The following PTPRD variants were observed in gnomAD, a reference collection of about 807,000 sequenced individuals.
PTPRD encodes receptor-type tyrosine-protein phosphatase delta.
In PTPRD, 34 loss-of-function variants were observed where a neutral mutation model predicts 214.5. The ratio of observed to expected loss-of-function variants is 0.16; its 90% CI spans 0.12 to 0.21. PTPRD has a LOEUF of 0.21. Among genes scored for constraint, PTPRD ranks in the 10% least tolerant of loss-of-function variants. The pLI is 1.00. For missense variants in PTPRD, 2,545 were observed against 2,398.7 expected, an observed-to-expected ratio of 1.06 and a Z score of -1.27; for synonymous variants, 1,128 against 845.7, an observed-to-expected ratio of 1.33 and a Z score of -5.79.
At chr9:10,495,292 T>A (rs1231857933) in intron 2 of PTPRD, among the ~76,000 whole-genome samples, 9 of 151,708 alleles carry the variant, frequency 5.9e-5, no homozygotes, top group African/African-American at 2.2e-4. Flanking sequence ...CAAAGTCAAG[T>A]CAGAAATCAC....
At chr9:10,013,410 G>A (rs1347788180) in intron 4 of PTPRD, among the ~76,000 whole-genome samples, 1 of 151,740 alleles carries the variant, frequency 6.6e-6, no homozygotes, top group Non-Finnish European at 1.5e-5. Flanking sequence ...TATGTTATTT[G>A]CATATTTTTT....
intron 3 of PTPRD, among the ~76,000 whole-genome samples, chr9:10,182,793 T>C (rs1158704595): frequency 6.6e-6 from 1 of 152,176 alleles, no homozygotes; most frequent in Non-Finnish European, 1.5e-5. Context: ...GCAATCATCC[T>C]AGAAATAATC....
chr9:9,392,552 G>C (rs1316855425), intron 9 of PTPRD, among the ~76,000 whole-genome samples: 2 of 152,244 alleles, frequency 1.3e-5, no homozygotes, highest in Admixed American at 6.5e-5. Flanking sequence ...GTTAGGTCAA[G>C]AGTAGAATTC....
At chr9:9,940,842 T>C (rs889386832) in intron 4 of PTPRD, among the ~76,000 whole-genome samples, 4 of 152,158 alleles carry the variant, frequency 2.6e-5, no homozygotes, top group East Asian at 1.9e-4. Flanking sequence ...AGAAAACTCT[T>C]GCTCATATTT....
chr9:10,082,282 C>G (rs72694827), intron 3 of PTPRD, among the ~76,000 whole-genome samples: 6 of 152,214 alleles, frequency 3.9e-5, no homozygotes, highest in African/African-American at 1.4e-4. Flanking sequence ...TCTCTCATCA[C>G]CTTTTTCACA....
chr9:8,761,399 A>G (rs1407139559), intron 11 of PTPRD, among the ~76,000 whole-genome samples: 2 of 152,236 alleles, frequency 1.3e-5, no homozygotes, highest in East Asian at 1.9e-4. Flanking sequence ...TTTCACAATT[A>G]TAACATTTCT....
intron 2 of PTPRD, among the ~76,000 whole-genome samples, chr9:10,503,213 A>AAAAAAAAAAAAAAAC (rs1555437452): frequency 6.7e-6 from 1 of 149,480 alleles, no homozygotes; most frequent in African/African-American, 2.5e-5. Context: ...AAAAACAAAA[A>AAAAAAAAAAAAAAAC]AAAACACCAT....
At chr9:9,897,310 A>G (rs115629475) in intron 5 of PTPRD, among the ~76,000 whole-genome samples, 2,143 of 152,192 alleles carry the variant, frequency 0.014, 57 homozygotes, top group African/African-American at 0.048. Flanking sequence ...TGAAATCTAT[A>G]TACTTTAAAC....
intron 9 of PTPRD, among the ~76,000 whole-genome samples, chr9:9,388,249 G>A (rs374376188): frequency 6.6e-6 from 1 of 152,088 alleles, no homozygotes; most frequent in East Asian, 1.9e-4. Flanking sequence ...CAGGATGGGG[G>A]TTGTGGCAGG....
chr9:9,520,776 A>G (rs1047130754), intron 8 of PTPRD, among the ~76,000 whole-genome samples: 1 of 152,226 alleles, frequency 6.6e-6, no homozygotes, highest in African/African-American at 2.4e-5. Flanking sequence ...AGCATGGGTT[A>G]CAGAACTGTG....
At chr9:10,017,889 C>T (rs1250880287) in intron 4 of PTPRD, among the ~76,000 whole-genome samples, 1 of 152,018 alleles carries the variant, frequency 6.6e-6, no homozygotes, top group African/African-American at 2.4e-5. Context: ...AGATTAAAAA[C>T]ATTTGAATAC....
intron 34 of PTPRD, among the ~76,000 whole-genome samples, chr9:8,442,721 TA>T (rs1270681313): frequency 4.6e-5 from 7 of 152,176 alleles, no homozygotes; most frequent in African/African-American, 1.7e-4. Flanking sequence ...CAAATACAAA[TA>T]CTCTGCTATA....
intron 8 of PTPRD, among the ~76,000 whole-genome samples, chr9:9,566,086 C>CG (rs146731873): frequency 0.021 from 3,159 of 152,010 alleles, 44 homozygotes; most frequent in Admixed American, 0.027. Flanking sequence ...TATTCCTGCA[C>CG]ATTTTTTCTT....
chr9:10,488,857 G>T (rs1177813288), intron 2 of PTPRD, among the ~76,000 whole-genome samples: 1 of 152,080 alleles, frequency 6.6e-6, no homozygotes, highest in East Asian at 1.9e-4. Context: ...CAGGGCAGTG[G>T]GCTCCCCTCT....
intron 9 of PTPRD, among the ~76,000 whole-genome samples, chr9:9,242,003 T>C (rs2099970602): frequency 6.6e-6 from 1 of 152,106 alleles, no homozygotes; most frequent in Non-Finnish European, 1.5e-5. Flanking sequence ...TTTCCATGTT[T>C]AGTGCTTCCT....
chr9:10,096,325 C>T (rs2098484037), intron 3 of PTPRD, among the ~76,000 whole-genome samples: 1 of 151,666 alleles, frequency 6.6e-6, no homozygotes, highest in Admixed American at 6.6e-5. Flanking sequence ...ATTCTCTATA[C>T]ATCACCCCTT....
rs575224646 is a variant in PTPRD, at chr9:10,489,869, G to A, written c.-600+122529C>T. ...CTCCATGCATAAAGCTGCAGCTGCT[G>A]GGGAATGGGGGAGGGATAGCATTGG... On this transcript the variant is annotated intron_variant, in intron 2 of 45. Transcript: ENST00000381196. 5.5e-4 allele frequency among the ~76,000 whole-genome samples: 84 copies of A among 152,282 alleles called. 2 individuals are homozygous for A. In the South Asian group the frequency reaches 0.016, roughly 28 times the overall value.
intron 2 of PTPRD, among the ~76,000 whole-genome samples, chr9:10,513,799 T>C (rs143739544): frequency 1.6e-3 from 241 of 152,238 alleles, no homozygotes; most frequent in African/African-American, 5.4e-3. Context: ...AAAGAAATTT[T>C]TAAAACTGTG....
chr9:8,501,935 G>A (rs531990146), intron 23 of PTPRD, among the ~76,000 whole-genome samples: 1 of 152,186 alleles, frequency 6.6e-6, no homozygotes, highest in East Asian at 1.9e-4. Context: ...CTTACAAAAT[G>A]TCAATAACAC....
Sources: gnomAD v4.1 joint callset for allele counts (sites outside exome capture counted in the v4.1 genomes callset) on GRCh38, gnomAD v4.1.1 for gene constraint, MANE v1.5 for transcripts, NCBI Gene and HGNC (gene_info 2026-07-23, HGNC 2026-07-21) for gene names.